Variants in SIPA1L3 observed in about 807,000 individuals in gnomAD.
The protein encoded by SIPA1L3 is signal induced proliferation associated 1 like 3.
A neutral mutation model predicts 150.1 loss-of-function variants in SIPA1L3; 59 were observed. The observed-to-expected ratio is 0.39, with a 90% CI of 0.32 to 0.49. SIPA1L3 has a LOEUF of 0.49. Among genes scored for constraint, SIPA1L3 ranks in the 20% least tolerant of loss-of-function variants. SIPA1L3 has a pLI of 0.86. For missense variants in SIPA1L3, 2,211 were observed against 2,489.5 expected (o/e 0.89, Z 2.38); for synonymous variants, 1,070 against 1,077.6 (o/e 0.99, Z 0.14).
At chr19:38,004,901 A>G (rs1429922121) in intron 1 of SIPA1L3, among the ~76,000 whole-genome samples, 1 of 152,040 alleles carries the variant, frequency 6.6e-6, no homozygotes, top group Non-Finnish European at 1.5e-5. Context: ...TTTGTATTCT[A>G]CTGGACAGGA....
intron 1 of SIPA1L3, among the ~76,000 whole-genome samples, chr19:37,911,759 A>G (rs888798179): frequency 2.0e-5 from 3 of 151,502 alleles, no homozygotes; most frequent in Admixed American, 2.0e-4. Flanking sequence ...TCAGCCTCCC[A>G]AAGTGCTGGG....
intron 1 of SIPA1L3, among the ~76,000 whole-genome samples, chr19:37,943,239 A>C (rs1010257642): frequency 6.6e-5 from 10 of 151,940 alleles, no homozygotes; most frequent in African/African-American, 9.7e-5. Context: ...CTTAATGCCC[A>C]TTTCAACCCC....
At chr19:38,055,576 A>G (rs551426344) in intron 2 of SIPA1L3, among the ~76,000 whole-genome samples, 2 of 152,334 alleles carry the variant, frequency 1.3e-5, no homozygotes, top group Admixed American at 1.3e-4. Flanking sequence ...CAGGAAAGTA[A>G]GCTTTTTGGA....
rs575528795 is a variant in SIPA1L3 at position 38,081,622 on chromosome 19, C to T, written c.57C>T (p.Gly19=). 44 of 1,604,226 alleles carry T rather than the reference C, an allele frequency of 2.7e-5. No individual in the cohort carries two copies. In the African/African-American group the frequency reaches 3.9e-4, roughly 14 times the overall value. ...SDGVDLAASC[G]ARVGDVLPGP... ...GTGTGGACCTGGCAGCCAGCTGTGG[C>T]GCCAGGGTGGGCGATGTCCTCCCTG... The change falls in exon 3 of 22, where the codon GGC becomes GGT. Residue 19 remains glycine, a synonymous_variant. Coordinates refer to ENST00000222345, the MANE Select transcript of SIPA1L3 (RefSeq NM_015073.3).
chr19:38,168,352 A>G (rs1600163188), intron 15 of SIPA1L3, among the ~76,000 whole-genome samples: 1 of 151,988 alleles, frequency 6.6e-6, no homozygotes, highest in African/African-American at 2.4e-5. Context: ...GCACCACTAC[A>G]CTCCAGCCTG....
intron 8 of SIPA1L3, among the ~76,000 whole-genome samples, chr19:38,113,963 A>G (rs1220869676): frequency 6.6e-6 from 1 of 151,912 alleles, no homozygotes; most frequent in African/African-American, 2.4e-5. Flanking sequence ...CAGCCTGTGG[A>G]CTCTCAAAAC....
chr19:37,922,865 A>G (rs1451633273), intron 1 of SIPA1L3, among the ~76,000 whole-genome samples: 1 of 150,316 alleles, frequency 6.7e-6, no homozygotes, highest in African/African-American at 2.4e-5. Flanking sequence ...ACGGTGGCTC[A>G]TGCCTGTAAT....
rs368555030 is a variant in SIPA1L3, at chr19:38,106,539, G to A, written c.2032G>A (p.Asp678Asn). 7 of 1,609,376 alleles carry A rather than the reference G, an allele frequency of 4.3e-6. No homozygotes were observed. Among genetic ancestry groups the A allele is most frequent in the African/African-American group, 2.7e-5 (2 of 74,544 alleles). Reference sequence around the variant, plus strand: ...CCTAACTGGCATTTCTGTTTCAGCCGACTCCACGGGAACCCACTCCCTCTA... The same window carrying A: ...CCTAACTGGCATTTCTGTTTCAGCCAACTCCACGGGAACCCACTCCCTCTA... The part of the protein sequence containing the change: ...KYAAQLDVKT[D>N]STGTHSLYTM... Residue 678 changes from aspartate (D) to asparagine (N), a missense_variant and splice_region_variant, in exon 7 of 22, where the codon GAC becomes AAC. This residue lies in a region of SIPA1L3 where 625 missense variants were observed against 804.2 expected (regional missense o/e 0.78). Transcript: ENST00000222345.
At chr19:38,166,557 C>T (rs1390620738) in intron 15 of SIPA1L3, among the ~76,000 whole-genome samples, 2 of 152,136 alleles carry the variant, frequency 1.3e-5, no homozygotes, top group African/African-American at 2.4e-5. Context: ...CAATGAGCCA[C>T]CTTCCAGAAA....
At chr19:38,008,835 C>T (rs978535994) in intron 1 of SIPA1L3, among the ~76,000 whole-genome samples, 5 of 152,114 alleles carry the variant, frequency 3.3e-5, no homozygotes, top group African/African-American at 7.2e-5. Flanking sequence ...GCTGAGATTA[C>T]AGGCATGAGC....
At position 38,142,569 on chromosome 19, in the gene SIPA1L3, C is replaced by T. The variant is rs771520299; in HGVS notation, c.3396-4C>T. On this transcript the variant is annotated splice_region_variant and splice_polypyrimidine_tract_variant and intron_variant, in intron 11 of 21. Transcript: ENST00000222345. ...TGCCTCCTTCCTCCCCTGTCTCCTT[C>T]TAGGCCTGTCAGCTTCCCAGAAACC... 5 of 1,606,866 alleles carry T rather than the reference C, an allele frequency of 3.1e-6. No homozygotes were observed. Among genetic ancestry groups the T allele is most frequent in the Admixed American group, 3.3e-5 (2 of 59,712 alleles).
At chr19:38,074,097 A>C (rs1969782782) in intron 2 of SIPA1L3, among the ~76,000 whole-genome samples, 1 of 152,170 alleles carries the variant, frequency 6.6e-6, no homozygotes, top group African/African-American at 2.4e-5. Context: ...GGAAGGTCCA[A>C]GTGCTTTTAG....
At chr19:38,079,523 T>A (rs1031341878) in intron 2 of SIPA1L3, among the ~76,000 whole-genome samples, 1 of 151,642 alleles carries the variant, frequency 6.6e-6, no homozygotes, top group Admixed American at 6.6e-5. Context: ...ATAGGGTGAT[T>A]TGGGAAGGTT....
At chr19:37,955,333 G>A (rs949688798) in intron 1 of SIPA1L3, among the ~76,000 whole-genome samples, 2 of 151,412 alleles carry the variant, frequency 1.3e-5, no homozygotes, top group Non-Finnish European at 2.9e-5. Flanking sequence ...GGAGGTTGCC[G>A]TGAGCCAAGA....
At chr19:38,204,558 G>T (rs1466134395) in intron 21 of SIPA1L3, among the ~76,000 whole-genome samples, 1 of 152,214 alleles carries the variant, frequency 6.6e-6, no homozygotes, top group Admixed American at 6.5e-5. Flanking sequence ...GAGGTCAGGA[G>T]TTCGAGACCA....
intron 1 of SIPA1L3, among the ~76,000 whole-genome samples, chr19:37,969,144 G>A (rs2046930832): frequency 6.6e-6 from 1 of 151,930 alleles, no homozygotes; most frequent in East Asian, 1.9e-4. Flanking sequence ...TGTGGTGAGA[G>A]GATCACTTGA....
At chr19:38,119,210 C>A (rs1555788704) in intron 8 of SIPA1L3, 96 bp from the exon 9 acceptor site, 1 of 1,245,844 alleles carries the variant, frequency 8.0e-7, no homozygotes, top group South Asian at 1.4e-5. Flanking sequence ...AACAAACAAA[C>A]AAAAAACCCT....
At chr19:38,144,054 A>G (rs898105842) in intron 12 of SIPA1L3, among the ~76,000 whole-genome samples, 4 of 152,058 alleles carry the variant, frequency 2.6e-5, no homozygotes, top group African/African-American at 9.7e-5. Context: ...TGGCCTGAAT[A>G]TGCTTCACAC....
Position 38,141,166 on chromosome 19 carries a change from T to G in SIPA1L3, c.3144-18T>G. Reference sequence around the variant, plus strand: ...GGTGGGCTGGGGCCTTTCTGAGTAATGCAGTTTTTCTCCCCAGGGGTTGGC... The same window carrying G: ...GGTGGGCTGGGGCCTTTCTGAGTAAGGCAGTTTTTCTCCCCAGGGGTTGGC... On this transcript the variant is annotated intron_variant, in intron 10 of 21. Coordinates refer to ENST00000222345, the MANE Select transcript of SIPA1L3 (RefSeq NM_015073.3). 6.4e-7 allele frequency: 1 copy of G among 1,558,318 alleles called. No homozygotes were observed. The highest frequency in any genetic ancestry group is 8.7e-7 in the Non-Finnish European group (1 of 1,151,000).
Sources: allele counts gnomAD v4.1 joint callset (sites outside exome capture counted in the v4.1 genomes callset), GRCh38; gene constraint gnomAD v4.1.1; regional missense constraint gnomAD v4.1.1; transcripts MANE v1.5; gene names NCBI Gene and HGNC (gene_info 2026-07-23, HGNC 2026-07-21).